RBM12B: variants seen among roughly 807,000 people sequenced by gnomAD.
RBM12B encodes RNA binding motif protein 12B, also known as RNA-binding protein 12B.
RBM12B carries 10 observed loss-of-function variants against 34.3 expected under a neutral mutation model. The ratio of observed to expected loss-of-function variants is 0.29; its 90% CI spans 0.18 to 0.49. RBM12B has a LOEUF of 0.49. Ranked by LOEUF, RBM12B falls within the 20% of genes least tolerant of loss-of-function variation. RBM12B has a pLI of 0.99. For synonymous variants in RBM12B, 477 were observed against 437.1 expected, an observed-to-expected ratio of 1.09 and a Z score of -1.14; for missense variants, 1,139 against 1,262.7, an observed-to-expected ratio of 0.90 and a Z score of 1.48.
In RBM12B at chr8:93,736,339, C is replaced by T. The variant is rs771560940; in HGVS notation, c.72G>A (p.Thr24=). Residue 24 remains threonine (T), a synonymous_variant, in exon 4 of 4, where the codon ACG becomes ACA. Transcript: ENST00000520560. ...AGPVDIRHFF[T]GLTIPDGGVH... is the part of the protein sequence containing the mutation. ...CTCCTCCATCAGGAATAGTCAATCC[C>T]GTGAAGAAGTGACGAATATCCACAG... 17 of 1,613,352 alleles carry T rather than the reference C, an allele frequency of 1.1e-5. No homozygotes were observed. Among genetic ancestry groups the T allele is most frequent in the Middle Eastern group, 1.6e-4 (1 of 6,084 alleles).
Position 93,733,525 on chromosome 8 carries a change from T to A in RBM12B, c.2886A>T (p.Gln962His), listed in dbSNP as rs1488142972. The change falls in exon 4 of 4, where the codon CAA (glutamine) becomes CAT (histidine). Residue 962 changes from glutamine (Q) to histidine (H), a missense_variant. By Grantham distance (24) the Gln-to-His change is conservative (BLOSUM62 0). This residue lies in a region of RBM12B where 60 missense variants were observed against 101.0 expected (regional missense o/e 0.59). Transcript: ENST00000520560. ...CAATGGCTTCCCCTGTAGGTAAGCCTTGCTCATTATACTGTATCGAAACTG... is the reference window on the plus strand; with the variant it reads ...CAATGGCTTCCCCTGTAGGTAAGCCATGCTCATTATACTGTATCGAAACTG... The part of the protein sequence containing the change: ...PDSVSIQYNE[Q>H]GLPTGEAIVA... 6.2e-7 allele frequency: 1 copy of A among 1,612,926 alleles called. No individual in the cohort carries two copies. Among genetic ancestry groups the A allele is most frequent in the Admixed American group, 1.7e-5 (1 of 59,952 alleles).
At position 93,734,498 on chromosome 8, in the gene RBM12B, G is replaced by A. The variant is rs1811938222; in HGVS notation, c.1913C>T (p.Ser638Phe). 1 of 1,607,498 alleles carries A rather than the reference G, an allele frequency of 6.2e-7. No homozygotes were observed. Among genetic ancestry groups the A allele is most frequent in the Non-Finnish European group, 8.5e-7 (1 of 1,176,262 alleles). The change falls in exon 4 of 4, where the codon TCT (serine) becomes TTT (phenylalanine). Residue 638 changes from serine (S) to phenylalanine (F), a missense_variant. Physicochemically the swap from Ser to Phe is radical, Grantham distance 155 (BLOSUM62 -2). Around this residue, in one of 3 missense-constraint regions of RBM12B, gnomAD observed 863 missense variants for 869.5 expected, o/e 0.99. Coordinates refer to ENST00000520560, the MANE Select transcript of RBM12B (RefSeq NM_001377960.1). ...GAGCTGCCTGAAGTCCTCCGTGGGA[G>A]ACCGCCTGAAATCCTCCTCCAGTGG... ...RRPLEEDFRR[S>F]PTEDFRQLPE...
In RBM12B at chr8:93,731,806, A is replaced by G. The variant is rs1220557252; in HGVS notation, c.*1599T>C. 1 of 152,654 alleles carries G rather than the reference A, an allele frequency of 6.6e-6. No individual in the cohort carries two copies. Among genetic ancestry groups the G allele is most frequent in the Admixed American group, 6.5e-5 (1 of 15,286 alleles). 9.5% of individuals were successfully genotyped at this position (152,654 alleles called of 1,614,324 possible). ...GGCCAAAGTCAATCATGTTGAATAA[A>G]ATAATTTTGAAATATAAGCCAGTAA... On this transcript the variant is annotated 3_prime_UTR_variant, in exon 4 of 4. Transcript: ENST00000520560.
At chr8:93,737,421 G>C (rs1021652242) in intron 2 of RBM12B, 66 bp from the exon 3 acceptor site, 4 of 152,168 alleles carry the variant, frequency 2.6e-5, no homozygotes, top group African/African-American at 9.7e-5. Flanking sequence ...CAACGCCAGA[G>C]TAGGATATCC....
Position 93,735,555 on chromosome 8 carries a change from C to G in RBM12B, c.856G>C (p.Val286Leu), listed in dbSNP as rs767487501. ...CTGAGGGACAGATTTTTTAAGTGAA[C>G]ATAAAATCCAAGAGGGGAACGAGAA... ...TRSRSPLGFY[V>L]HLKNLSLSID... is the part of the protein sequence containing the mutation. The change falls in exon 4 of 4, where the codon GTT (valine) becomes CTT (leucine). Residue 286 changes from valine (V) to leucine (L), a missense_variant. Around this residue, in one of 3 missense-constraint regions of RBM12B, gnomAD observed 863 missense variants for 869.5 expected, o/e 0.99. Coordinates refer to ENST00000520560, the MANE Select transcript of RBM12B (RefSeq NM_001377960.1). 6.2e-7 allele frequency: 1 copy of G among 1,614,042 alleles called. No individual in the cohort carries two copies. The highest frequency in any genetic ancestry group is 1.1e-5 in the South Asian group (1 of 91,082).
rs1467159543 is a variant in RBM12B, at chr8:93,733,399, C to CTCTACAGCATT, written c.*5_*6insAATGCTGTAGA. ...GAAGATAACTGAATTTAGAAATGCTCTCTCTCTACAGCAAAGTTAACTTAA... is the reference window on the plus strand; with the variant it reads ...GAAGATAACTGAATTTAGAAATGCTCTCTACAGCATTTCTCTCTACAGCAAAGTTAACTTAA... On this transcript the variant is annotated 3_prime_UTR_variant, in exon 4 of 4. Transcript: ENST00000520560. 1 of 1,513,988 alleles carries CTCTACAGCATT rather than the reference C, an allele frequency of 6.6e-7. No homozygotes were observed. Among genetic ancestry groups the CTCTACAGCATT allele is most frequent in the Non-Finnish European group, 8.8e-7 (1 of 1,132,624 alleles). 93.8% of individuals were successfully genotyped at this position (1,513,988 alleles called of 1,614,324 possible). A position where few individuals can be genotyped will look rare whatever the true frequency, so the allele number is the denominator to read the frequency against.
At position 93,729,370 on chromosome 8, in the gene RBM12B, T is replaced by C. The variant is rs1051157937; in HGVS notation, c.*4035A>G. 1.3e-5 allele frequency: 2 copies of C among 152,172 alleles called. No individual in the cohort carries two copies. Among genetic ancestry groups the C allele is most frequent in the East Asian group, 1.9e-4 (1 of 5,208 alleles). 9.4% of individuals were successfully genotyped at this position (152,172 alleles called of 1,614,324 possible). A position where few individuals can be genotyped will look rare whatever the true frequency, so the allele number is the denominator to read the frequency against. ...ATTTAAAACATTTTAAAACCCTAAATTGATATTCTTAAGAAACTCAAGATA... is the reference window on the plus strand; with the variant it reads ...ATTTAAAACATTTTAAAACCCTAAACTGATATTCTTAAGAAACTCAAGATA... On this transcript the variant is annotated 3_prime_UTR_variant, in exon 4 of 4. Transcript: ENST00000520560.
chr8:93,730,275 T>C lies in RBM12B; in HGVS notation c.*3130A>G, dbSNP rs998283524. ...CAAGGTCACTACTTAACAGGTGATA[T>C]ATGGATCAAGAATCACTGCTCTTAA... On this transcript the variant is annotated 3_prime_UTR_variant, in exon 4 of 4. Coordinates refer to ENST00000520560, the MANE Select transcript of RBM12B (RefSeq NM_001377960.1). The C allele has an allele frequency of 1.3e-5, 2 of 152,210 alleles. No homozygotes were observed. The highest frequency in any genetic ancestry group is 4.1e-4 in the South Asian group (2 of 4,830). The allele number at this position is 152,210 out of a possible 1,614,324, so 9.4% of individuals were successfully genotyped here.
intron 2 of RBM12B, among the ~76,000 whole-genome samples, chr8:93,738,704 C>G (rs1812100063): frequency 1.3e-5 from 2 of 152,158 alleles, no homozygotes; most frequent in African/African-American, 4.8e-5. Flanking sequence ...CTCAAGCAAT[C>G]AGCTCACCTC....
intron 2 of RBM12B, among the ~76,000 whole-genome samples, chr8:93,737,807 C>CAAAAAAAAAA: frequency 9.9e-6 from 1 of 100,592 alleles, no homozygotes; most frequent in Non-Finnish European, 2.3e-5. Context: ...ACCCAAAGTT[C>CAAAAAAAAAA]AAAAAAAAAA....
intron 2 of RBM12B, among the ~76,000 whole-genome samples, chr8:93,739,496 C>T (rs1812125934): frequency 6.6e-6 from 1 of 152,140 alleles, no homozygotes; most frequent in Non-Finnish European, 1.5e-5. Context: ...ACCATTTATG[C>T]CTCTACAATA....
rs1274932210 is a variant in RBM12B at position 93,734,295 on chromosome 8, C to A, written c.2116G>T (p.Asp706Tyr). The change falls in exon 4 of 4, where the codon GAT (aspartate) becomes TAT (tyrosine). Residue 706 changes from aspartate (D) to tyrosine (Y), a missense_variant. Coordinates refer to ENST00000520560, the MANE Select transcript of RBM12B (RefSeq NM_001377960.1). ...TCCTCCTCAGGGGAATGCCTGAAATCCTCCTCTGGGGGCCGCCTGAAGTCA... is the reference window on the plus strand; with the variant it reads ...TCCTCCTCAGGGGAATGCCTGAAATACTCCTCTGGGGGCCGCCTGAAGTCA... ...EDDFRRPPEE[D>Y]FRHSPEEDFR... 1 of 1,613,502 alleles carries A rather than the reference C, an allele frequency of 6.2e-7. No homozygotes were observed. Among genetic ancestry groups the A allele is most frequent in the East Asian group, 2.2e-5 (1 of 44,828 alleles).
rs761814460 is a variant in RBM12B, at chr8:93,734,101, A to ATGCTCTGGGGGTGGCCGCCTGAAG, written c.2286_2309dup (p.Pro776_Pro783dup). The ATGCTCTGGGGGTGGCCGCCTGAAG allele has an allele frequency of 1.3e-5, 20 of 1,558,560 alleles. No individual in the cohort carries two copies. The highest frequency in any genetic ancestry group is 2.8e-5 in the African/African-American group (2 of 72,090). ...AGTGCTCCGGGGGCGGGCGCCTGAA[A>ATGCTCTGGGGGTGGCCGCCTGAAG]TGCTCTGGGGGTGGCCGCCTGAAGT... On this transcript the variant is annotated inframe_insertion, in exon 4 of 4. Coordinates refer to ENST00000520560, the MANE Select transcript of RBM12B (RefSeq NM_001377960.1).
Position 93,731,102 on chromosome 8 carries a change from G to A in RBM12B, c.*2303C>T, listed in dbSNP as rs1331735614. ...TTGAGCCCAGGAGTTAGAAGCTGCA[G>A]TGAACCATTATCAGACCACTGCACT... On this transcript the variant is annotated 3_prime_UTR_variant, in exon 4 of 4. Coordinates refer to ENST00000520560, the MANE Select transcript of RBM12B (RefSeq NM_001377960.1). 1.3e-5 allele frequency: 2 copies of A among 152,234 alleles called. No homozygotes were observed. The highest frequency in any genetic ancestry group is 1.9e-4 in the East Asian group (1 of 5,196). 9.4% of individuals were successfully genotyped at this position (152,234 alleles called of 1,614,324 possible).
In RBM12B at chr8:93,733,238, C is replaced by CA. The variant is rs1229613967; in HGVS notation, c.*166dup. 1 of 468,206 alleles carries CA rather than the reference C, an allele frequency of 2.1e-6. No individual in the cohort carries two copies. Among genetic ancestry groups the CA allele is most frequent in the Non-Finnish European group, 3.4e-6 (1 of 292,018 alleles). The allele number at this position is 468,206 out of a possible 1,614,324, so 29.0% of individuals were successfully genotyped here. A position where few individuals can be genotyped will look rare whatever the true frequency, so the allele number is the denominator to read the frequency against. On this transcript the variant is annotated 3_prime_UTR_variant, in exon 4 of 4. Transcript: ENST00000520560. The stretch of plus-strand genomic sequence containing the variant: ...AAAAAAAAGAATGGCAATTTGCAAG[C>CA]AAAAGAAAACCAGATTCACATTCTA...
chr8:93,736,554 G>T, intron 3 of RBM12B, 116 bp from the exon 4 acceptor site: 1 of 772,904 alleles, frequency 1.3e-6, no homozygotes, highest in South Asian at 3.0e-5. Flanking sequence ...ATGAAAACAA[G>T]ATACAAGTTC....
chr8:93,740,558 C>G (rs934380664), intron 2 of RBM12B, 71 bp downstream of exon 2: 2 of 456,020 alleles, frequency 4.4e-6, no homozygotes, highest in Non-Finnish European at 8.8e-6. Context: ...CTTCTCAAGC[C>G]TAACGAGCTG....
At chr8:93,739,810 G>C (rs986808082) in intron 2 of RBM12B, among the ~76,000 whole-genome samples, 10 of 152,170 alleles carry the variant, frequency 6.6e-5, no homozygotes, top group African/African-American at 2.2e-4. Flanking sequence ...GAAATTTAAA[G>C]CGCATTTTAA....
In RBM12B at chr8:93,731,190, T is replaced by G. The variant is rs977914477; in HGVS notation, c.*2215A>C. On this transcript the variant is annotated 3_prime_UTR_variant, in exon 4 of 4. Transcript: ENST00000520560. ...ATAATAAAACTACAAAGCTTATGTT[T>G]ACTCTAGCTGGCCTCTTATCTACCA... is the stretch of plus-strand genomic sequence containing the variant. 5.9e-5 allele frequency: 9 copies of G among 152,168 alleles called. No homozygotes were observed. Among genetic ancestry groups the G allele is most frequent in the African/African-American group, 1.4e-4 (6 of 41,422 alleles). The allele number at this position is 152,168 out of a possible 1,614,324, so 9.4% of individuals were successfully genotyped here. A position where few individuals can be genotyped will look rare whatever the true frequency, so the allele number is the denominator to read the frequency against.
Sources: allele counts gnomAD v4.1 joint callset (sites outside exome capture counted in the v4.1 genomes callset), GRCh38; gene constraint gnomAD v4.1.1; regional missense constraint gnomAD v4.1.1; transcripts MANE v1.5; gene names NCBI Gene and HGNC (gene_info 2026-07-23, HGNC 2026-07-21).